Variants in RPS6KC1 observed in about 807,000 individuals in gnomAD.
RPS6KC1 encodes ribosomal protein S6 kinase C1, also known as inactive ribosomal protein S6 kinase delta-1.
A neutral mutation model predicts 103.8 loss-of-function variants in RPS6KC1; 54 were observed. The observed-to-expected ratio is 0.52, with a 90% CI of 0.42 to 0.65. The LOEUF is 0.65. Among genes scored for constraint, RPS6KC1 ranks in the 30% least tolerant of loss-of-function variants. RPS6KC1 has a pLI of 0.00. For missense variants in RPS6KC1, 1,151 were observed against 1,253.8 expected, an observed-to-expected ratio of 0.92 and a Z score of 1.24; for synonymous variants, 439 against 438.7, an observed-to-expected ratio of 1.00 and a Z score of -0.01.
At chr1:213,106,207 T>C (rs1415705509) in intron 4 of RPS6KC1, among the ~76,000 whole-genome samples, 2 of 152,092 alleles carry the variant, frequency 1.3e-5, no homozygotes, top group Non-Finnish European at 2.9e-5. Context: ...AGAGCAGTGG[T>C]ATTCAGTCAT....
the RPS6KC1 span, among the ~76,000 whole-genome samples, chr1:213,602,673 G>A: frequency 1.3e-5 from 2 of 152,140 alleles, no homozygotes; most frequent in African/African-American, 4.8e-5. Flanking sequence ...TATTTCCCAG[G>A]TCATGACCTG....
chr1:213,321,849 A>G, the RPS6KC1 span, among the ~76,000 whole-genome samples: 2 of 152,194 alleles, frequency 1.3e-5, no homozygotes, highest in Non-Finnish European at 2.9e-5. Context: ...GACATGAAGG[A>G]GCTAAGGAAG....
chr1:213,665,964 T>A, the RPS6KC1 span, among the ~76,000 whole-genome samples: 1 of 152,198 alleles, frequency 6.6e-6, no homozygotes, highest in African/African-American at 2.4e-5. Flanking sequence ...ATAAAAACTT[T>A]TAATAGACAA....
chr1:213,829,823 T>C, the RPS6KC1 span, among the ~76,000 whole-genome samples: 1 of 152,206 alleles, frequency 6.6e-6, no homozygotes, highest in East Asian at 1.9e-4. Context: ...AATTGCTCAG[T>C]TTATATACTC....
chr1:213,426,473 C>A, the RPS6KC1 span, among the ~76,000 whole-genome samples: 4 of 152,160 alleles, frequency 2.6e-5, no homozygotes, highest in African/African-American at 9.7e-5. Context: ...TCCCCCGTAA[C>A]TAGAGTAGCT....
At chr1:213,759,315 G>A in the RPS6KC1 span, among the ~76,000 whole-genome samples, 47 of 152,168 alleles carry the variant, frequency 3.1e-4, no homozygotes, top group Admixed American at 7.9e-4. Context: ...CTACAGTATA[G>A]TATAAATACA....
chr1:213,623,369 C>T, the RPS6KC1 span, among the ~76,000 whole-genome samples: 2 of 152,166 alleles, frequency 1.3e-5, no homozygotes, highest in African/African-American at 2.4e-5. Context: ...CGCCATTTAA[C>T]TCAATTTAGT....
the RPS6KC1 span, among the ~76,000 whole-genome samples, chr1:213,778,270 G>C: frequency 6.6e-6 from 1 of 152,172 alleles, no homozygotes; most frequent in Non-Finnish European, 1.5e-5. Flanking sequence ...TTCCCGGGTG[G>C]CTATTTTATT....
chr1:213,339,160 A>G, the RPS6KC1 span, among the ~76,000 whole-genome samples: 1 of 152,202 alleles, frequency 6.6e-6, no homozygotes, highest in African/African-American at 2.4e-5. Flanking sequence ...GCTACTCAGG[A>G]GGCTGAGAGG....
chr1:213,515,725 T>C, the RPS6KC1 span, among the ~76,000 whole-genome samples: 1 of 152,192 alleles, frequency 6.6e-6, no homozygotes, highest in East Asian at 1.9e-4. Context: ...TCTTTTTTGA[T>C]TCCATATGAA....
chr1:213,346,605 T>C, the RPS6KC1 span, among the ~76,000 whole-genome samples: 813 of 152,302 alleles, frequency 5.3e-3, 2 homozygotes, highest in South Asian at 8.3e-3. Context: ...GCTTTTCTTA[T>C]ATTCAGGCTG....
chr1:213,178,400 G>A (rs2148327075), intron 8 of RPS6KC1, among the ~76,000 whole-genome samples: 1 of 151,828 alleles, frequency 6.6e-6, no homozygotes, highest in Middle Eastern at 3.4e-3. Flanking sequence ...AATTACCTGG[G>A]CATGGTGGCA....
chr1:213,627,858 C>T, the RPS6KC1 span, among the ~76,000 whole-genome samples: 1 of 152,202 alleles, frequency 6.6e-6, no homozygotes, highest in African/African-American at 2.4e-5. Context: ...AATCGATGTT[C>T]ATCAGGGATA....
At chr1:213,153,685 G>A (rs1203491516) in intron 6 of RPS6KC1, among the ~76,000 whole-genome samples, 2 of 152,088 alleles carry the variant, frequency 1.3e-5, no homozygotes, top group Non-Finnish European at 2.9e-5. Context: ...GTACCTTCAG[G>A]TGATCATTTA....
At position 213,272,647 on chromosome 1, in the gene RPS6KC1, GTTA is replaced by G; in HGVS notation, c.*15_*17del. On this transcript the variant is annotated 3_prime_UTR_variant, in exon 15 of 15. Coordinates refer to ENST00000366960, the MANE Select transcript of RPS6KC1 (RefSeq NM_012424.6). ...ACTGATGAGATGAACGTAATGCAGG[GTTA>G]TCTTCACACATTCTGATCTTCTCTG... 6.4e-7 allele frequency: 1 copy of G among 1,570,682 alleles called. No individual in the cohort carries two copies.
chr1:213,858,616 T>G, the RPS6KC1 span, among the ~76,000 whole-genome samples: 1 of 152,284 alleles, frequency 6.6e-6, no homozygotes, highest in South Asian at 2.1e-4. Context: ...ATCTTTTGCC[T>G]CTGAGGCAAC....
At chr1:213,667,499 A>G in the RPS6KC1 span, among the ~76,000 whole-genome samples, 1 of 152,222 alleles carries the variant, frequency 6.6e-6, no homozygotes, top group African/African-American at 2.4e-5. Flanking sequence ...AAATGTTAAC[A>G]ATCATCTGAA....
the RPS6KC1 span, among the ~76,000 whole-genome samples, chr1:213,728,957 T>G: frequency 1.4e-5 from 2 of 143,270 alleles, no homozygotes; most frequent in Non-Finnish European, 3.0e-5. Context: ...TGTTTTTTTT[T>G]TTTTTTTTAC....
the RPS6KC1 span, among the ~76,000 whole-genome samples, chr1:213,676,595 C>G: frequency 2.2e-4 from 33 of 152,262 alleles, no homozygotes; most frequent in South Asian, 4.1e-4. Flanking sequence ...CTTCAGGTAC[C>G]CTCAGTCAGC....
Sources: allele counts gnomAD v4.1 joint callset (sites outside exome capture counted in the v4.1 genomes callset), GRCh38; gene constraint gnomAD v4.1.1; transcripts MANE v1.5; gene names NCBI Gene and HGNC (gene_info 2026-07-23, HGNC 2026-07-21).